TTLL5: variants seen among roughly 807,000 people sequenced by gnomAD.
TTLL5 encodes the protein tubulin tyrosine ligase like 5.
A neutral mutation model predicts 168.4 loss-of-function variants in TTLL5; 132 were observed. The ratio of observed to expected loss-of-function variants is 0.78; its 90% confidence interval spans 0.68 to 0.91. The LOEUF (loss-of-function observed/expected upper bound fraction) is 0.91, where lower values mean the gene tolerates loss of function less well. Ranked by LOEUF, TTLL5 falls within the 40% of genes least tolerant of loss-of-function variation. TTLL5 has a pLI of 0.00. For missense variants in TTLL5, 1,545 were observed against 1,581.5 expected, an observed-to-expected ratio of 0.98 and a Z score of 0.39; for synonymous variants, 546 against 558.6, an observed-to-expected ratio of 0.98 and a Z score of 0.32.
intron 15 of TTLL5, chr14:75,737,525 G>A: frequency 1.3e-6 from 2 of 1,519,820 alleles, no homozygotes; most frequent in African/African-American, 1.4e-5. Flanking sequence ...AGGCATATTA[G>A]GAGAAGATAA....
intron 18 of TTLL5, among the ~76,000 whole-genome samples, chr14:75,761,887 A>G (rs1164187195): frequency 1.3e-5 from 2 of 152,228 alleles, no homozygotes; most frequent in Non-Finnish European, 2.9e-5. Context: ...TAGTAATGAT[A>G]TGCATGTTGA....
chr14:75,710,399 TACACACACACACACAC>T (rs34988364), intron 9 of TTLL5: 8 of 145,904 alleles, frequency 5.5e-5, no homozygotes, highest in Admixed American at 2.0e-4. Flanking sequence ...AAAAAATTTA[TACACACACACACACAC>T]ACACACACAC....
chr14:75,683,774 GAC>G, intron 5 of TTLL5, 118 bp downstream of exon 5: 1 of 658,282 alleles, frequency 1.5e-6, no homozygotes, highest in South Asian at 2.0e-5. Flanking sequence ...GAAGAAGAAG[GAC>G]TTTTTTTTTT....
chr14:75,869,311 C>T (rs2030815621), intron 29 of TTLL5, among the ~76,000 whole-genome samples: 3 of 152,018 alleles, frequency 2.0e-5, no homozygotes, highest in African/African-American at 7.3e-5. Context: ...AATAATACTG[C>T]ATTCGGTTGT....
At position 75,874,933 on chromosome 14, in the gene TTLL5, C is replaced by CTTTTTTTTTTTTT. The variant is rs1555353208; in HGVS notation, c.3523-7746_3523-7734dup. On this transcript the variant is annotated intron_variant, in intron 29 of 31. Transcript: ENST00000298832. Reference sequence around the variant, plus strand: ...AGAGAAAAAAAAAGACACTGGGGGCCTTTTTTTTTTTTTTTTTTGAGACGG... The same window carrying CTTTTTTTTTTTTT: ...AGAGAAAAAAAAAGACACTGGGGGCCTTTTTTTTTTTTTTTTTTTTTTTTTTTTTTTGAGACGG... Among the ~76,000 whole-genome samples, 57 of 97,508 alleles carry CTTTTTTTTTTTTT rather than the reference C, an allele frequency of 5.8e-4. 2 individuals are homozygous for CTTTTTTTTTTTTT. The highest frequency in any genetic ancestry group is 2.0e-3 in the African/African-American group (41 of 20,350). The allele number at this position is 97,508 out of a possible 152,430, so 64.0% of individuals were successfully genotyped here. A position where few individuals can be genotyped will look rare whatever the true frequency, so the allele number is the denominator to read the frequency against.
rs1432368325 is a variant in TTLL5, at chr14:75,783,203, G to A, written c.2659G>A (p.Gly887Ser). 2 of 1,613,982 alleles carry A rather than the reference G, an allele frequency of 1.2e-6. No homozygotes were observed. The highest frequency in any genetic ancestry group is 1.7e-6 in the Non-Finnish European group (2 of 1,180,024). The stretch of plus-strand genomic sequence containing the variant: ...ATTAGTTTATAGCAATTCCTCCTCT[G>A]GTCCTACTGCTACTCTGCAGAAAAT... ...AKLVYSNSSS[G>S]PTATLQKIPN... The change falls in exon 26 of 32, where the codon GGT becomes AGT. Residue 887 changes from glycine (G) to serine (S), a missense_variant. Coordinates refer to ENST00000298832, the MANE Select transcript of TTLL5 (RefSeq NM_015072.5).
chr14:75,902,098 C>T (rs759470177), intron 30 of TTLL5, 44 bp from the exon 31 acceptor site: 5 of 1,591,714 alleles, frequency 3.1e-6, no homozygotes, highest in Non-Finnish European at 4.3e-6. Context: ...CACCTGACCT[C>T]ACCTTTCCGC....
At chr14:75,714,368 AT>A (rs2140188953) in intron 9 of TTLL5, among the ~76,000 whole-genome samples, 1 of 152,158 alleles carries the variant, frequency 6.6e-6, no homozygotes, top group Admixed American at 6.5e-5. Context: ...ATCATGTAAA[AT>A]TTCATTCTTC....
intron 21 of TTLL5, among the ~76,000 whole-genome samples, chr14:75,773,921 T>TAG (rs1427081103): frequency 0.012 from 349 of 28,136 alleles, 1 homozygote; most frequent in Non-Finnish European, 0.02. Context: ...TATATATATA[T>TAG]ATATATAGAG....
chr14:75,884,183 CAT>C (rs2031971618), intron 30 of TTLL5, among the ~76,000 whole-genome samples: 1 of 152,244 alleles, frequency 6.6e-6, no homozygotes, highest in South Asian at 2.1e-4. Flanking sequence ...TGGTCACCAT[CAT>C]ATGCATTCTA....
At chr14:75,868,472 T>C (rs1159815804) in intron 29 of TTLL5, among the ~76,000 whole-genome samples, 1 of 152,212 alleles carries the variant, frequency 6.6e-6, no homozygotes, top group East Asian at 1.9e-4. Context: ...TCTTTACTTT[T>C]CCCTTCCCAC....
chr14:75,819,157 ACTG>A (rs1894687409), intron 27 of TTLL5, among the ~76,000 whole-genome samples: 1 of 152,204 alleles, frequency 6.6e-6, no homozygotes, highest in Non-Finnish European at 1.5e-5. Flanking sequence ...ATAAATATTG[ACTG>A]CTATTATGAT....
At chr14:75,805,406 C>T (rs1893594207) in intron 27 of TTLL5, among the ~76,000 whole-genome samples, 1 of 152,316 alleles carries the variant, frequency 6.6e-6, no homozygotes. Flanking sequence ...GGAGTGGCCC[C>T]TGGGCATCTG....
chr14:75,765,038 A>G (rs1332162910), intron 19 of TTLL5, among the ~76,000 whole-genome samples: 1 of 152,228 alleles, frequency 6.6e-6, no homozygotes, highest in Non-Finnish European at 1.5e-5. Flanking sequence ...CTGATACTCT[A>G]GAAATAATAT....
intron 21 of TTLL5, 132 bp from the exon 22 acceptor site, chr14:75,775,352 C>A: frequency 9.8e-7 from 1 of 1,023,496 alleles, no homozygotes; most frequent in Non-Finnish European, 1.4e-6. Context: ...CCTTTTTGTT[C>A]TGGGTCTTGT....
rs150683638 is a variant in TTLL5, at chr14:75,883,824, G to A, written c.3740+922G>A. Among the ~76,000 whole-genome samples the A allele has an allele frequency of 3.9e-5, 6 of 152,350 alleles. No individual in the cohort carries two copies. In the East Asian group the frequency reaches 9.6e-4, roughly 24 times the overall value. ...TGTAATGACTGCAGAACTCTCTGGA[G>A]TAGTAGGAAAGGGCAGTAGGAAGGC... On this transcript the variant is annotated intron_variant, in intron 30 of 31. Coordinates refer to ENST00000298832, the MANE Select transcript of TTLL5 (RefSeq NM_015072.5).
chr14:75,695,560 G>A (rs1885776786), intron 6 of TTLL5, among the ~76,000 whole-genome samples: 1 of 151,968 alleles, frequency 6.6e-6, no homozygotes, highest in African/African-American at 2.4e-5. Flanking sequence ...GCGGCTCAGG[G>A]GGCATCATGG....
At chr14:75,862,303 C>T (rs1334794973) in intron 28 of TTLL5, among the ~76,000 whole-genome samples, 4 of 152,072 alleles carry the variant, frequency 2.6e-5, no homozygotes, top group South Asian at 2.1e-4. Context: ...CATTGGTGTA[C>T]GGTTATTAGT....
Position 75,876,492 on chromosome 14 carries a change from C to T in TTLL5, c.3523-6193C>T, listed in dbSNP as rs2031490253. Among the ~76,000 whole-genome samples, 3 of 152,100 alleles carry T rather than the reference C, an allele frequency of 2.0e-5. No homozygotes were observed. The South Asian group carries it at 6.2e-4, about 32-fold the overall frequency. On this transcript the variant is annotated intron_variant, in intron 29 of 31. Coordinates refer to ENST00000298832, the MANE Select transcript of TTLL5 (RefSeq NM_015072.5). Reference sequence around the variant, plus strand: ...TTCCTACTCACTGAAGGAGGGGGAGCTTCGTAATTGGTTTTAGAAATGAGA... The same window carrying T: ...TTCCTACTCACTGAAGGAGGGGGAGTTTCGTAATTGGTTTTAGAAATGAGA...
Sources: gnomAD v4.1 joint callset for allele counts (sites outside exome capture counted in the v4.1 genomes callset) on GRCh38, gnomAD v4.1.1 for gene constraint, MANE v1.5 for transcripts, NCBI Gene and HGNC (gene_info 2026-07-23, HGNC 2026-07-21) for gene names.